TNKS2: variants seen among roughly 807,000 people sequenced by gnomAD.
TNKS2 encodes the protein tankyrase 2.
A neutral mutation model predicts 137.6 loss-of-function variants in TNKS2; 72 were observed. That is an observed-to-expected ratio of 0.52 (90% confidence interval 0.43 to 0.64). The LOEUF is 0.64. Among genes scored for constraint, TNKS2 ranks in the 30% least tolerant of loss-of-function variants. The pLI, the probability that TNKS2 is intolerant of heterozygous loss-of-function variation, is 0.00. For missense variants in TNKS2, 1,049 were observed against 1,410.2 expected, an observed-to-expected ratio of 0.74 and a Z score of 4.10; for synonymous variants, 516 against 512.1, an observed-to-expected ratio of 1.01 and a Z score of -0.10.
At chr10:91,818,057 A>G (rs934132134) in intron 3 of TNKS2, among the ~76,000 whole-genome samples, 4 of 152,226 alleles carry the variant, frequency 2.6e-5, no homozygotes, top group African/African-American at 9.6e-5. Context: ...AGACTTCTTC[A>G]TGAAAAGACT....
chr10:91,812,133 C>T (rs1767238852), intron 1 of TNKS2, among the ~76,000 whole-genome samples: 1 of 151,676 alleles, frequency 6.6e-6, no homozygotes, highest in Admixed American at 6.6e-5. Flanking sequence ...TACCCAAACA[C>T]ATTGTAGACC....
chr10:91,833,546 A>G (rs1008765647), intron 11 of TNKS2, among the ~76,000 whole-genome samples: 6 of 152,284 alleles, frequency 3.9e-5, no homozygotes, highest in African/African-American at 1.4e-4. Context: ...GAGATCCATA[A>G]AAATAGATGA....
chr10:91,798,527 G>A lies in TNKS2; in HGVS notation c.-164G>A, dbSNP rs1286783277. 2 of 815,214 alleles carry A rather than the reference G, an allele frequency of 2.5e-6. No individual in the cohort carries two copies. Among genetic ancestry groups the A allele is most frequent in the East Asian group, 4.0e-5 (1 of 24,988 alleles). 50.5% of individuals were successfully genotyped at this position (815,214 alleles called of 1,614,324 possible). Reference sequence around the variant, plus strand: ...GCAGGGAGCCCAGCGAGGGGCGCGCGTGGGCGCGGCCATGGGACTGCGCCG... The same window carrying A: ...GCAGGGAGCCCAGCGAGGGGCGCGCATGGGCGCGGCCATGGGACTGCGCCG... On this transcript the variant is annotated 5_prime_UTR_variant, in exon 1 of 27. In the 5' UTR this introduces an upstream ATG that the reference lacks. Coordinates refer to ENST00000371627, the MANE Select transcript of TNKS2 (RefSeq NM_025235.4).
chr10:91,831,057 CTT>C (rs1845229964), intron 10 of TNKS2, 43 bp downstream of exon 10: 1 of 1,612,512 alleles, frequency 6.2e-7, no homozygotes, highest in Non-Finnish European at 8.5e-7. Context: ...AGATTTTACT[CTT>C]TTGGAAAATA....
chr10:91,845,621 G>A (rs1298240858), intron 17 of TNKS2, 131 bp from the exon 18 acceptor site: 1 of 652,942 alleles, frequency 1.5e-6, no homozygotes, highest in African/African-American at 1.8e-5. Context: ...ATGTTGGGGA[G>A]AAAGAGTTTT....
chr10:91,813,748 T>C (rs1217751634), intron 2 of TNKS2, among the ~76,000 whole-genome samples: 2 of 152,194 alleles, frequency 1.3e-5, no homozygotes, highest in African/African-American at 4.8e-5. Context: ...ATGCTCCACG[T>C]AACTCCATTT....
chr10:91,850,949 T>C (rs1203587261), intron 20 of TNKS2, among the ~76,000 whole-genome samples: 1 of 152,232 alleles, frequency 6.6e-6, no homozygotes, highest in Non-Finnish European at 1.5e-5. Flanking sequence ...AAAGACATTA[T>C]ATAAATAGGG....
intron 9 of TNKS2, among the ~76,000 whole-genome samples, chr10:91,830,597 A>G (rs557783215): frequency 6.6e-6 from 1 of 152,358 alleles, no homozygotes; most frequent in African/African-American, 2.4e-5. Flanking sequence ...TTGCATGAAC[A>G]CAATGCTACT....
intron 2 of TNKS2, among the ~76,000 whole-genome samples, chr10:91,815,948 CTTTT>C (rs10691725): frequency 8.0e-6 from 1 of 125,148 alleles, no homozygotes. Flanking sequence ...AAGACTTTCT[CTTTT>C]TTTTTTTTTT....
chr10:91,817,304 T>C (rs1408600341), intron 3 of TNKS2, 75 bp downstream of exon 3: 5 of 915,682 alleles, frequency 5.5e-6, no homozygotes, highest in Non-Finnish European at 8.5e-6. Flanking sequence ...TTGCCTCCTA[T>C]GATTAATGAC....
At position 91,845,766 on chromosome 10, in the gene TNKS2, A is replaced by C. The variant is rs1469153820; in HGVS notation, c.2184A>C (p.Ala728=). The C allele has an allele frequency of 6.5e-7, 1 of 1,540,574 alleles. No homozygotes were observed. Among genetic ancestry groups the C allele is most frequent in the Admixed American group, 1.8e-5 (1 of 54,334 alleles). ...TTCTTTTACAGCATGTAGATGTAGC[A>C]GCTCTACTAATAAAGTATAATGCAT... ...NAASYGHVDV[A]ALLIKYNACV... The change falls in exon 18 of 27, where the codon GCA becomes GCC. Residue 728 remains alanine, a synonymous_variant. Transcript: ENST00000371627.
intron 21 of TNKS2, among the ~76,000 whole-genome samples, chr10:91,852,757 A>G (rs1842586630): frequency 6.6e-6 from 1 of 152,228 alleles, no homozygotes; most frequent in African/African-American, 2.4e-5. Flanking sequence ...GCTAGCCAGG[A>G]TGGGGTCCAC....
At chr10:91,843,344 TG>T (rs760656152) in intron 16 of TNKS2, among the ~76,000 whole-genome samples, 19 of 152,204 alleles carry the variant, frequency 1.2e-4, no homozygotes, top group Admixed American at 1.0e-3. Flanking sequence ...CATTGGAACA[TG>T]GTGTCTCTTT....
At chr10:91,800,818 A>G (rs541520887) in intron 1 of TNKS2, among the ~76,000 whole-genome samples, 1 of 152,220 alleles carries the variant, frequency 6.6e-6, no homozygotes, top group Non-Finnish European at 1.5e-5. Flanking sequence ...TTTTAGGTTC[A>G]TCAGAGAGAA....
chr10:91,810,665 G>A (rs1844466921), intron 1 of TNKS2, among the ~76,000 whole-genome samples: 1 of 150,814 alleles, frequency 6.6e-6, no homozygotes, highest in Non-Finnish European at 1.5e-5. Flanking sequence ...ACAACGCCCA[G>A]CTAATTTTTT....
intron 16 of TNKS2, among the ~76,000 whole-genome samples, chr10:91,843,936 T>C (rs1025299812): frequency 6.6e-6 from 1 of 152,222 alleles, no homozygotes; most frequent in Non-Finnish European, 1.5e-5. Flanking sequence ...AATTACTCTA[T>C]GTGTCTTTCA....
In TNKS2 at chr10:91,827,166, C is replaced by A; in HGVS notation, c.945C>A (p.Asp315Glu). Residue 315 changes from aspartate to glutamate, a missense_variant, in exon 8 of 27, where the codon GAC becomes GAA. Coordinates refer to ENST00000371627, the MANE Select transcript of TNKS2 (RefSeq NM_025235.4). ...LLNCHNKSAIDLAPTPQLKER... is the reference protein window; with the variant it reads ...LLNCHNKSAIELAPTPQLKER... ...ATTGTCACAATAAAAGTGCTATAGA[C>A]TTGGCTCCCACACCACAGTTAAAAG... 6.3e-7 allele frequency: 1 copy of A among 1,585,392 alleles called. No individual in the cohort carries two copies. Among genetic ancestry groups the A allele is most frequent in the Non-Finnish European group, 8.6e-7 (1 of 1,165,088 alleles).
At position 91,859,513 on chromosome 10, in the gene TNKS2, C is replaced by T; in HGVS notation, c.3146C>T (p.Ala1049Val). The change falls in exon 25 of 27, where the codon GCG becomes GTG. Residue 1049 changes from alanine (A) to valine (V), a missense_variant. Transcript: ENST00000371627. ...CACAAAGGCTTTGATGAAAGGCATG[C>T]GTACATAGGTGGTATGTTTGGAGCT... is the stretch of plus-strand genomic sequence containing the variant. ...IIHKGFDERH[A>V]YIGGMFGAGI... is the part of the protein sequence containing the mutation. 1 of 1,612,438 alleles carries T rather than the reference C, an allele frequency of 6.2e-7. No homozygotes were observed.
At chr10:91,836,821 TA>T in intron 12 of TNKS2, 97 bp from the exon 13 acceptor site, 4 of 1,473,132 alleles carry the variant, frequency 2.7e-6, no homozygotes, top group Non-Finnish European at 3.6e-6. Flanking sequence ...TACCAAATTG[TA>T]AAAGAACTTT....
Sources: gnomAD v4.1 joint callset for allele counts (sites outside exome capture counted in the v4.1 genomes callset) on GRCh38, gnomAD v4.1.1 for gene constraint, MANE v1.5 for transcripts, NCBI Gene and HGNC (gene_info 2026-07-23, HGNC 2026-07-21) for gene names.